The following KIF22 variants were observed in gnomAD, a reference collection of about 807,000 sequenced individuals.
KIF22 encodes kinesin-like protein KIF22.
KIF22 carries 62 observed loss-of-function variants against 73.0 expected under a neutral mutation model. That is an observed-to-expected ratio of 0.85 (90% CI 0.69 to 1.05). KIF22 has a LOEUF of 1.05. KIF22 is among the 50% of genes least tolerant of loss of function. The pLI is 0.00. For synonymous variants in KIF22, 411 were observed against 340.1 expected (o/e 1.21, Z -2.29); for missense variants, 854 against 870.1 (o/e 0.98, Z 0.23).
rs907011440 is a variant in KIF22, at chr16:29,805,382, G to A, written c.*72G>A. 3.2e-5 allele frequency: 49 copies of A among 1,518,254 alleles called. No homozygotes were observed. The African/African-American group carries it at 5.1e-4, about 16-fold the overall frequency. The allele number at this position is 1,518,254 out of a possible 1,614,324, so 94.0% of individuals were successfully genotyped here. A position where few individuals can be genotyped will look rare whatever the true frequency, so the allele number is the denominator to read the frequency against. On this transcript the variant is annotated 3_prime_UTR_variant, in exon 14 of 14. Coordinates refer to ENST00000160827, the MANE Select transcript of KIF22 (RefSeq NM_007317.3). ...GTTGTGTAAATACAGTTTTTGCTCC[G>A]GTGCTTCCGCCTGATTTTTGGGGCT...
In KIF22 at chr16:29,799,434, G is replaced by T. The variant is rs756191260; in HGVS notation, c.930G>T (p.Ala310=). The T allele has an allele frequency of 1.2e-6, 2 of 1,614,222 alleles. No homozygotes were observed. The highest frequency in any genetic ancestry group is 4.5e-5 in the East Asian group (2 of 44,882). Residue 310 remains alanine, a synonymous_variant, in exon 6 of 14, where the codon GCG becomes GCT. Transcript: ENST00000160827. The part of the protein sequence containing the change: ...SLFVLGKVVD[A]LNQGLPRVPY... Reference sequence around the variant, plus strand: ...TTGTCCTGGGCAAAGTGGTAGATGCGCTGAATCAGGGCCTCCCTCGTGTAC... The same window carrying T: ...TTGTCCTGGGCAAAGTGGTAGATGCTCTGAATCAGGGCCTCCCTCGTGTAC...
In KIF22 at chr16:29,799,901, CCAAT is replaced by C; in HGVS notation, c.1145-9_1145-6del. On this transcript the variant is annotated splice_polypyrimidine_tract_variant and splice_region_variant and intron_variant, in intron 7 of 13. Coordinates refer to ENST00000160827, the MANE Select transcript of KIF22 (RefSeq NM_007317.3). Reference sequence around the variant, plus strand: ...CCAATCCCTCTCTCCACCCCATCCTCCAATCATCTAGCCTTGGGACCTGTTAAGC... The same window carrying C: ...CCAATCCCTCTCTCCACCCCATCCTCCATCTAGCCTTGGGACCTGTTAAGC... 6.2e-7 allele frequency: 1 copy of C among 1,613,826 alleles called. No homozygotes were observed.
intron 8 of KIF22, among the ~76,000 whole-genome samples, chr16:29,802,173 A>AGG (rs1567360976): frequency 6.9e-6 from 1 of 144,074 alleles, no homozygotes; most frequent in African/African-American, 2.6e-5. Flanking sequence ...AGGCTGAGAC[A>AGG]GGGGGATTGC....
chr16:29,793,804 T>C (rs1334611366), intron 1 of KIF22, among the ~76,000 whole-genome samples: 1 of 152,030 alleles, frequency 6.6e-6, no homozygotes, highest in Non-Finnish European at 1.5e-5. Flanking sequence ...GATAGACGGA[T>C]CCTAGGATGA....
intron 11 of KIF22, 56 bp downstream of exon 11, chr16:29,804,121 G>T: frequency 1.4e-6 from 2 of 1,396,804 alleles, no homozygotes; most frequent in Non-Finnish European, 2.0e-6. Context: ...AGGGGGAGTA[G>T]GCTCTAGGGG....
chr16:29,803,753 C>A (rs891134294), intron 10 of KIF22, 145 bp downstream of exon 10: 4 of 763,014 alleles, frequency 5.2e-6, no homozygotes, highest in Middle Eastern at 3.8e-4. Context: ...TGAGGCAGTG[C>A]TGGGGGTGCT....
In KIF22 at chr16:29,804,984, G is replaced by C; in HGVS notation, c.1848G>C (p.Gln616His). The change falls in exon 12 of 14, where the codon CAG becomes CAC. Residue 616 changes from glutamine (Q) to histidine (H), a missense_variant. Physicochemically the swap from Gln to His is conservative, Grantham distance 24 (BLOSUM62 0). Coordinates refer to ENST00000160827, the MANE Select transcript of KIF22 (RefSeq NM_007317.3). ...AGCGCATTGGCCCGAAGAAGGCCCA[G>C]CTAATCGTGGGCTGGCGGGAGCTCC... ...SLQRIGPKKA[Q>H]LIVGWRELHG... 2 of 1,610,832 alleles carry C rather than the reference G, an allele frequency of 1.2e-6. No homozygotes were observed. Among genetic ancestry groups the C allele is most frequent in the Admixed American group, 1.7e-5 (1 of 59,848 alleles).
At position 29,805,015 on chromosome 16, in the gene KIF22, C is replaced by T. The variant is rs1205392682; in HGVS notation, c.1879C>T (p.Pro627Ser). 9.3e-6 allele frequency: 15 copies of T among 1,610,494 alleles called. No homozygotes were observed. The highest frequency in any genetic ancestry group is 1.6e-4 in the Middle Eastern group (1 of 6,062). Reference protein sequence around the residue: ...LIVGWRELHGPFSQVEDLERV... With the variant: ...LIVGWRELHGSFSQVEDLERV... ...CGTGGGCTGGCGGGAGCTCCACGGC[C>T]CCTTCAGCCAGGTAGCAGCCCACTG... Residue 627 changes from proline (P) to serine (S), a missense_variant, in exon 12 of 14, where the codon CCC (proline) becomes TCC (serine). Transcript: ENST00000160827.
At chr16:29,796,729 C>A (rs1420428637) in intron 1 of KIF22, among the ~76,000 whole-genome samples, 164 bp from the exon 2 acceptor site, 2 of 152,096 alleles carry the variant, frequency 1.3e-5, no homozygotes, top group African/African-American at 4.8e-5. Context: ...GCTTGTAGAG[C>A]AGGGAAGGCA....
intron 10 of KIF22, 99 bp downstream of exon 10, chr16:29,803,707 AC>A: frequency 9.8e-7 from 1 of 1,020,888 alleles, no homozygotes; most frequent in Non-Finnish European, 1.4e-6. Flanking sequence ...ATATTCTCCC[AC>A]CACATACCAG....
chr16:29,799,818 T>C (rs778045565), intron 7 of KIF22, 37 bp downstream of exon 7: 1 of 1,613,160 alleles, frequency 6.2e-7, no homozygotes, highest in Non-Finnish European at 8.5e-7. Flanking sequence ...AAACGCTGGG[T>C]CTGGAAATTA....
chr16:29,804,681 AT>A, intron 11 of KIF22, 132 bp from the exon 12 acceptor site: 1 of 750,820 alleles, frequency 1.3e-6, no homozygotes, highest in Non-Finnish European at 2.3e-6. Context: ...TGAGGGCGGG[AT>A]TTTGGACACA....
chr16:29,791,108 G>T (rs1037790160), intron 1 of KIF22: 64 of 1,358,582 alleles, frequency 4.7e-5, no homozygotes, highest in Non-Finnish European at 5.1e-5. Context: ...TGTGAGCTTC[G>T]GTTTCTTCGT....
intron 8 of KIF22, among the ~76,000 whole-genome samples, chr16:29,801,183 C>G (rs980615512): frequency 2.0e-5 from 3 of 152,138 alleles, no homozygotes; most frequent in African/African-American, 7.2e-5. Context: ...CACCTCCTGC[C>G]CCAACTCCAA....
intron 10 of KIF22, 149 bp downstream of exon 10, chr16:29,803,757 G>A (rs1596856023): frequency 1.1e-5 from 8 of 750,240 alleles, no homozygotes; most frequent in African/African-American, 1.8e-5. Context: ...GCAGTGCTGG[G>A]GGTGCTCTGC....
rs1433584344 is a variant in KIF22 at position 29,799,012 on chromosome 16, T to G, written c.587T>G (p.Val196Gly). ...DLLDPASGDLVIREDCRGNIL... is the reference protein window; with the variant it reads ...DLLDPASGDLGIREDCRGNIL... The stretch of plus-strand genomic sequence containing the variant: ...CTGGACCCTGCTTCGGGAGACCTGG[T>G]AATCCGAGAAGACTGCCGGGGGAAT... Residue 196 changes from valine to glycine, a missense_variant, in exon 5 of 14, where the codon GTA becomes GGA. By Grantham distance (109) the Val-to-Gly change is moderately radical. Around this residue, in one of 3 missense-constraint regions of KIF22, gnomAD observed 245 missense variants for 351.8 expected, o/e 0.70. Coordinates refer to ENST00000160827, the MANE Select transcript of KIF22 (RefSeq NM_007317.3). The G allele has an allele frequency of 6.2e-7, 1 of 1,614,216 alleles. No individual in the cohort carries two copies. The highest frequency in any genetic ancestry group is 8.5e-7 in the Non-Finnish European group (1 of 1,180,038).
Position 29,799,051 on chromosome 16 carries a change from GTC to G in KIF22, c.631_632del (p.Ser211ProfsTer6), listed in dbSNP as rs780709408. 1.2e-6 allele frequency: 2 copies of G among 1,614,184 alleles called. No individual in the cohort carries two copies. The highest frequency in any genetic ancestry group is 1.7e-6 in the Non-Finnish European group (2 of 1,180,034). ...TGCCGGGGGAATATCCTGATTCCGGGTCTCTCCCAGAAGCCCATCAGTAGCTT... is the reference window on the plus strand; with the variant it reads ...TGCCGGGGGAATATCCTGATTCCGGGTCTCCCAGAAGCCCATCAGTAGCTT... On this transcript the variant is annotated frameshift_variant, in exon 5 of 14. Transcript: ENST00000160827. LOFTEE classifies it high-confidence loss of function.
Position 29,804,886 on chromosome 16 carries a change from C to G in KIF22, c.1750C>G (p.Leu584Val), listed in dbSNP as rs929054717. Residue 584 changes from leucine to valine, a missense_variant, in exon 12 of 14, where the codon CTA (leucine) becomes GTA (valine). Around this residue, in one of 3 missense-constraint regions of KIF22, gnomAD observed 423 missense variants for 365.4 expected, o/e 1.16. Transcript: ENST00000160827. ...DCWELQISPELLAHGRQKILD... is the reference protein window; with the variant it reads ...DCWELQISPEVLAHGRQKILD... Reference sequence around the variant, plus strand: ...CTGGGAGCTACAGATCAGCCCGGAGCTACTGGCTCATGGGCGCCAAAAAAT... The same window carrying G: ...CTGGGAGCTACAGATCAGCCCGGAGGTACTGGCTCATGGGCGCCAAAAAAT... The G allele has an allele frequency of 9.3e-6, 15 of 1,613,880 alleles. No homozygotes were observed. Among genetic ancestry groups the G allele is most frequent in the Non-Finnish European group, 1.2e-5 (14 of 1,180,012 alleles).
chr16:29,801,527 C>T (rs1422793638), intron 8 of KIF22, among the ~76,000 whole-genome samples: 2 of 152,146 alleles, frequency 1.3e-5, no homozygotes, highest in Non-Finnish European at 2.9e-5. Flanking sequence ...GCACTCCCCA[C>T]TGCTGTGTGC....
Sources: allele counts gnomAD v4.1 joint callset (sites outside exome capture counted in the v4.1 genomes callset), GRCh38; gene constraint gnomAD v4.1.1; regional missense constraint gnomAD v4.1.1; transcripts MANE v1.5; gene names NCBI Gene and HGNC (gene_info 2026-07-23, HGNC 2026-07-21).